Variants in TRIP12 observed in about 807,000 individuals in gnomAD.
TRIP12 encodes the protein E3 ubiquitin-protein ligase TRIP12.
In TRIP12, 25 loss-of-function variants were observed where a neutral mutation model predicts 244.2. The observed-to-expected ratio is 0.10, with a 90% CI of 0.07 to 0.14. The LOEUF (loss-of-function observed/expected upper bound fraction) is 0.14, where lower values mean the gene tolerates loss of function less well. Among genes scored for constraint, TRIP12 ranks in the 10% least tolerant of loss-of-function variants. The pLI, the probability that TRIP12 is intolerant of heterozygous loss-of-function variation, is 1.00. For missense variants in TRIP12, 1,677 were observed against 2,486.4 expected (o/e 0.67, Z 6.92); for synonymous variants, 905 against 873.1 (o/e 1.04, Z -0.64).
In TRIP12 at chr2:229,819,040, C is replaced by CCACACACACACA. The variant is rs370625320; in HGVS notation, c.1451-540_1451-529dup. On this transcript the variant is annotated intron_variant, in intron 8 of 41. Coordinates refer to ENST00000675903, the MANE Select transcript of TRIP12 (RefSeq NM_001348323.3). ...AAAGAATATTCTGTAAAAATAAAAA[C>CCACACACACACA]CACACACACACACACACACACACAC... Among the ~76,000 whole-genome samples the CCACACACACACA allele has an allele frequency of 1.0e-3, 134 of 134,050 alleles. 1 individual carries two copies. The highest frequency in any genetic ancestry group is 3.3e-3 in the African/African-American group (113 of 34,600). 87.9% of individuals were successfully genotyped at this position (134,050 alleles called of 152,430 possible).
chr2:229,802,969 G>A (rs919881442), intron 20 of TRIP12, among the ~76,000 whole-genome samples: 3 of 152,192 alleles, frequency 2.0e-5, no homozygotes, highest in African/African-American at 7.2e-5. Flanking sequence ...ATTAACTTGT[G>A]AGGCAGGGGT....
chr2:229,804,112 A>G lies in TRIP12; in HGVS notation c.2766T>C (p.Ser922=), dbSNP rs1232934472. Residue 922 remains serine, a synonymous_variant, in exon 19 of 42, where the codon AGT becomes AGC. Transcript: ENST00000675903. ...TLFGVLYEVY[S]SSAGPAVRHK... The stretch of plus-strand genomic sequence containing the variant: ...GTCTGACCGCAGGTCCTGCTGAGGA[A>G]CTATACACTTCATAAAGAACACCAA... 8 of 1,614,072 alleles carry G rather than the reference A, an allele frequency of 5.0e-6. No homozygotes were observed. The highest frequency in any genetic ancestry group is 1.3e-5 in the African/African-American group (1 of 74,954).
intron 1 of TRIP12, among the ~76,000 whole-genome samples, chr2:229,910,414 CAT>C (rs1363582240): frequency 6.6e-6 from 1 of 152,072 alleles, no homozygotes; most frequent in African/African-American, 2.4e-5. Context: ...GTAGTAGACC[CAT>C]TTTATAGAAG....
Position 229,823,580 on chromosome 2 carries a change from G to A in TRIP12, c.1451-5068C>T, listed in dbSNP as rs1321163903. 2.0e-5 allele frequency among the ~76,000 whole-genome samples: 3 copies of A among 151,862 alleles called. No homozygotes were observed. In the East Asian group the frequency reaches 5.8e-4, roughly 29 times the overall value. ...AGTCCCAGCTACTCGGGAGGTTGAC[G>A]CAGAAGAATGGCGTGAACCCGGGAG... On this transcript the variant is annotated intron_variant, in intron 8 of 41. Coordinates refer to ENST00000675903, the MANE Select transcript of TRIP12 (RefSeq NM_001348323.3).
chr2:229,867,683 CT>C (rs1289955256), intron 2 of TRIP12, among the ~76,000 whole-genome samples: 1 of 152,104 alleles, frequency 6.6e-6, no homozygotes, highest in East Asian at 1.9e-4. Flanking sequence ...CATTCCAAGA[CT>C]GGGAAAGCTT....
At chr2:229,806,142 G>A (rs994105219) in intron 17 of TRIP12, 4 of 301,550 alleles carry the variant, frequency 1.3e-5, no homozygotes, top group Non-Finnish European at 2.5e-5. Flanking sequence ...AAATCTTGAT[G>A]AAAGATCCAC....
At chr2:229,787,699 A>G in intron 32 of TRIP12, 38 bp from the exon 33 acceptor site, 1 of 1,487,192 alleles carries the variant, frequency 6.7e-7, no homozygotes, top group Non-Finnish European at 9.0e-7. Flanking sequence ...TATCTGGATG[A>G]GAATCAGAAA....
chr2:229,787,766 A>G (rs1388772039), intron 32 of TRIP12, 105 bp from the exon 33 acceptor site: 1 of 1,053,454 alleles, frequency 9.5e-7, no homozygotes, highest in African/African-American at 1.6e-5. Context: ...TGATATAGAA[A>G]ATTGTAAATA....
At chr2:229,810,663 A>C (rs2047041983) in intron 15 of TRIP12, among the ~76,000 whole-genome samples, 1 of 152,218 alleles carries the variant, frequency 6.6e-6, no homozygotes, top group African/African-American at 2.4e-5. Context: ...CCCCAGAAAC[A>C]CCAAGGGCAA....
chr2:229,799,803 T>C (rs1056511565), intron 21 of TRIP12, among the ~76,000 whole-genome samples: 1 of 151,670 alleles, frequency 6.6e-6, no homozygotes, highest in African/African-American at 2.4e-5. Context: ...CATAACAAGG[T>C]ATGTTCTTGT....
At chr2:229,841,060 G>A in intron 4 of TRIP12, 133 bp from the exon 5 acceptor site, 3 of 646,690 alleles carry the variant, frequency 4.6e-6, no homozygotes, top group Non-Finnish European at 7.9e-6. Flanking sequence ...AGTATTACTA[G>A]CTTTATTTCC....
intron 5 of TRIP12, among the ~76,000 whole-genome samples, chr2:229,837,237 G>C (rs143475301): frequency 6.6e-6 from 1 of 152,134 alleles, no homozygotes; most frequent in Non-Finnish European, 1.5e-5. Flanking sequence ...AAACAGAAAC[G>C]ATTTTTAAAA....
At chr2:229,785,260 T>C (rs1198330863) in intron 34 of TRIP12, among the ~76,000 whole-genome samples, 2 of 152,154 alleles carry the variant, frequency 1.3e-5, no homozygotes, top group South Asian at 2.1e-4. Context: ...AGAAAACACA[T>C]CAATGTTTAT....
chr2:229,798,553 G>A lies in TRIP12; in HGVS notation c.3482+322C>T, dbSNP rs528276916. The stretch of plus-strand genomic sequence containing the variant: ...TTATCATAAAAGATGTGAAGAATGT[G>A]GACAGAAAATGTCAGCTTTTCCTTG... On this transcript the variant is annotated intron_variant, in intron 23 of 41. Coordinates refer to ENST00000675903, the MANE Select transcript of TRIP12 (RefSeq NM_001348323.3). Among the ~76,000 whole-genome samples the A allele has an allele frequency of 3.9e-5, 6 of 151,980 alleles. No individual in the cohort carries two copies. The South Asian group carries it at 1.2e-3, about 32-fold the overall frequency.
chr2:229,810,871 T>G lies in TRIP12; in HGVS notation c.2221+9A>C. On this transcript the variant is annotated intron_variant, in intron 15 of 41. Transcript: ENST00000675903. ...CCTGCTTAAAGTAGAACAGTAAATT[T>G]GCACTTACTTTGTTTCATAAGTTGA... The G allele has an allele frequency of 6.2e-7, 1 of 1,612,684 alleles. No homozygotes were observed. The highest frequency in any genetic ancestry group is 8.5e-7 in the Non-Finnish European group (1 of 1,179,468).
intron 33 of TRIP12, among the ~76,000 whole-genome samples, chr2:229,787,117 G>A (rs1489154630): frequency 6.6e-6 from 1 of 152,180 alleles, no homozygotes; most frequent in Non-Finnish European, 1.5e-5. Flanking sequence ...CTTGTTAAGG[G>A]AATGAAATGG....
chr2:229,850,527 T>C (rs80244514), intron 4 of TRIP12, among the ~76,000 whole-genome samples: 4,806 of 152,310 alleles, frequency 0.032, 111 homozygotes, highest in Middle Eastern at 0.092. Flanking sequence ...AAGATGCAAG[T>C]TGGTGAAACT....
intron 4 of TRIP12, among the ~76,000 whole-genome samples, chr2:229,846,011 T>C (rs2057499985): frequency 8.7e-6 from 1 of 115,100 alleles, no homozygotes; most frequent in South Asian, 4.0e-4. Flanking sequence ...CCTCTCTTTT[T>C]TTCAAAAAAA....
chr2:229,785,371 A>G (rs546704991), intron 34 of TRIP12, among the ~76,000 whole-genome samples: 108 of 152,350 alleles, frequency 7.1e-4, no homozygotes, highest in African/African-American at 2.5e-3. Flanking sequence ...TTGACGTGAA[A>G]GTGGTAACAA....
Sources: allele counts gnomAD v4.1 joint callset (sites outside exome capture counted in the v4.1 genomes callset), GRCh38; gene constraint gnomAD v4.1.1; transcripts MANE v1.5; gene names NCBI Gene and HGNC (gene_info 2026-07-23, HGNC 2026-07-21).